NFXL1: variants seen among roughly 807,000 people sequenced by gnomAD.
NFXL1 encodes NF-X1-type zinc finger protein NFXL1.
A neutral mutation model predicts 123.3 loss-of-function variants in NFXL1; 66 were observed. The observed-to-expected ratio is 0.54, with a 90% CI of 0.44 to 0.66. The LOEUF is 0.66. Ranked by LOEUF, NFXL1 falls within the 30% of genes least tolerant of loss-of-function variation. The pLI is 0.00. For synonymous variants in NFXL1, 346 were observed against 360.8 expected (o/e 0.96, Z 0.46); for missense variants, 944 against 1,125.6 (o/e 0.84, Z 2.31).
At chr4:47,854,301 T>C (rs183196944) in intron 20 of NFXL1, among the ~76,000 whole-genome samples, 280 of 151,686 alleles carry the variant, frequency 1.8e-3, no homozygotes, top group African/African-American at 6.5e-3. Context: ...ACAATAGGAA[T>C]ATGAAGGAAA....
At chr4:47,864,986 G>A (rs1734966523) in intron 18 of NFXL1, among the ~76,000 whole-genome samples, 1 of 152,168 alleles carries the variant, frequency 6.6e-6, no homozygotes, top group Admixed American at 6.5e-5. Flanking sequence ...CTGAAGGGAA[G>A]GCAGTCTTGT....
Position 47,862,928 on chromosome 4 carries a change from A to ATG in NFXL1, c.2247-14_2247-13insCA. On this transcript the variant is annotated splice_polypyrimidine_tract_variant and intron_variant, in intron 18 of 22. Transcript: ENST00000507489. The stretch of plus-strand genomic sequence containing the variant: ...TGTGGTTATTTTTCTAAAAATAAGA[A>ATG]AGTTGATGACATTCAAACAAAAATC... The ATG allele has an allele frequency of 6.8e-7, 1 of 1,479,506 alleles. No individual in the cohort carries two copies. The highest frequency in any genetic ancestry group is 1.4e-5 in the African/African-American group (1 of 70,322). The allele number at this position is 1,479,506 out of a possible 1,614,324, so 91.6% of individuals were successfully genotyped here. A position where few individuals can be genotyped will look rare whatever the true frequency, so the allele number is the denominator to read the frequency against.
chr4:47,896,890 T>C (rs1737118035), intron 9 of NFXL1, among the ~76,000 whole-genome samples: 1 of 152,234 alleles, frequency 6.6e-6, no homozygotes, highest in Admixed American at 6.5e-5. Context: ...TTTTATGGGC[T>C]ATCTACTTCA....
chr4:47,896,618 G>A lies in NFXL1; in HGVS notation c.1234C>T (p.Pro412Ser). 3 of 1,609,430 alleles carry A rather than the reference G, an allele frequency of 1.9e-6. No individual in the cohort carries two copies. The highest frequency in any genetic ancestry group is 2.6e-6 in the Non-Finnish European group (3 of 1,175,950). ...TTGTCACAACTGTCTCCACAAGTTG[G>A]TACATCTTCTGTACAAGGCAAAGAA... ...KFSLPCTEDVPTCGDSCDKVL... is the reference protein window; with the variant it reads ...KFSLPCTEDVSTCGDSCDKVL... Residue 412 changes from proline (P) to serine (S), a missense_variant, in exon 10 of 23, where the codon CCA (proline) becomes TCA (serine). Pro to Ser is a moderately conservative substitution (Grantham distance 74). Coordinates refer to ENST00000507489, the MANE Select transcript of NFXL1 (RefSeq NM_001278624.2).
chr4:47,870,871 C>G (rs1316897056), intron 18 of NFXL1, among the ~76,000 whole-genome samples: 1 of 152,076 alleles, frequency 6.6e-6, no homozygotes, highest in African/African-American at 2.4e-5. Context: ...GGAAACACAT[C>G]AAAGGGACAT....
At position 47,888,058 on chromosome 4, in the gene NFXL1, G is replaced by A. The variant is rs549838560; in HGVS notation, c.1544-2059C>T. ...TGGGAGGCCGAAGCAGGCAGATCAC[G>A]AGGTCAGGAGATCGAGACCATCCTA... On this transcript the variant is annotated intron_variant, in intron 12 of 22. Coordinates refer to ENST00000507489, the MANE Select transcript of NFXL1 (RefSeq NM_001278624.2). Among the ~76,000 whole-genome samples the A allele has an allele frequency of 1.8e-4, 28 of 152,160 alleles. No homozygotes were observed. The Middle Eastern group carries it at 0.014, about 74-fold the overall frequency.
intron 17 of NFXL1, among the ~76,000 whole-genome samples, chr4:47,878,153 C>T (rs1735865155): frequency 6.6e-6 from 1 of 152,014 alleles, no homozygotes; most frequent in Non-Finnish European, 1.5e-5. Flanking sequence ...TGAAAACTAA[C>T]TTAGAGTAAA....
intron 12 of NFXL1, among the ~76,000 whole-genome samples, chr4:47,888,566 C>A (rs76897252): frequency 3.0e-5 from 2 of 66,290 alleles, no homozygotes; most frequent in Non-Finnish European, 6.2e-5. Context: ...AACAAAAAAA[C>A]ACCACTCTAC....
chr4:47,853,033 C>T (rs1349008965), intron 20 of NFXL1, among the ~76,000 whole-genome samples: 1 of 151,416 alleles, frequency 6.6e-6, no homozygotes, highest in Admixed American at 6.6e-5. Flanking sequence ...GTCTTGTCCT[C>T]CAAAGACAGT....
At chr4:47,869,532 T>C (rs1040088989) in intron 18 of NFXL1, among the ~76,000 whole-genome samples, 3 of 152,292 alleles carry the variant, frequency 2.0e-5, no homozygotes, top group South Asian at 4.1e-4. Flanking sequence ...GGAGGAAGTA[T>C]AATGTAAAGA....
Position 47,902,155 on chromosome 4 carries a change from C to G in NFXL1, c.647+1038G>C, listed in dbSNP as rs554412418. Among the ~76,000 whole-genome samples, 3 of 151,994 alleles carry G rather than the reference C, an allele frequency of 2.0e-5. No homozygotes were observed. In the East Asian group the frequency reaches 5.8e-4, roughly 29 times the overall value. On this transcript the variant is annotated intron_variant, in intron 5 of 22. Coordinates refer to ENST00000507489, the MANE Select transcript of NFXL1 (RefSeq NM_001278624.2). ...CAAGAGCGCACCACTGCACTCCAGC[C>G]TGGGCAATACAGCAAAACTCTGTCT...
At chr4:47,889,554 G>C (rs966694036) in intron 12 of NFXL1, among the ~76,000 whole-genome samples, 2 of 152,270 alleles carry the variant, frequency 1.3e-5, no homozygotes, top group African/African-American at 4.8e-5. Flanking sequence ...ATTTCTGAAA[G>C]GATAGGGAGA....
chr4:47,904,188 G>A (rs1442457578), intron 4 of NFXL1, among the ~76,000 whole-genome samples: 5 of 152,120 alleles, frequency 3.3e-5, no homozygotes, highest in Non-Finnish European at 5.9e-5. Context: ...GGCCACAGAA[G>A]CTCAATCCTC....
chr4:47,849,339 T>G (rs188365928), intron 22 of NFXL1, among the ~76,000 whole-genome samples: 1 of 152,288 alleles, frequency 6.6e-6, no homozygotes, highest in East Asian at 1.9e-4. Context: ...GCTAAGTACT[T>G]ATTAAACTTT....
chr4:47,857,931 T>C (rs1347936107), intron 19 of NFXL1, among the ~76,000 whole-genome samples: 4 of 152,222 alleles, frequency 2.6e-5, no homozygotes, highest in Non-Finnish European at 5.9e-5. Context: ...TAGCATTTCC[T>C]TCAGAATCTG....
intron 14 of NFXL1, 92 bp downstream of exon 14, chr4:47,885,406 T>C: frequency 1.9e-6 from 2 of 1,039,328 alleles, no homozygotes; most frequent in African/African-American, 1.6e-5. Context: ...TCCCAATAAG[T>C]GCTTAATCAT....
At chr4:47,872,522 G>C (rs1013313278) in intron 18 of NFXL1, among the ~76,000 whole-genome samples, 2 of 151,130 alleles carry the variant, frequency 1.3e-5, no homozygotes, top group African/African-American at 4.9e-5. Flanking sequence ...ATAGCTCAGA[G>C]ATATTGCAGG....
intron 2 of NFXL1, 57 bp downstream of exon 2, chr4:47,913,912 A>G: frequency 1.6e-6 from 2 of 1,271,050 alleles, no homozygotes; most frequent in Admixed American, 2.3e-5. Context: ...GGCGGTCCTG[A>G]CTAGTAACTG....
At chr4:47,870,604 GAA>G (rs111655275) in intron 18 of NFXL1, among the ~76,000 whole-genome samples, 5 of 149,630 alleles carry the variant, frequency 3.3e-5, no homozygotes, top group Non-Finnish European at 5.9e-5. Flanking sequence ...AAACCCCAAG[GAA>G]AAAAAAAATA....
Sources: allele counts gnomAD v4.1 joint callset (sites outside exome capture counted in the v4.1 genomes callset), GRCh38; gene constraint gnomAD v4.1.1; transcripts MANE v1.5; gene names NCBI Gene and HGNC (gene_info 2026-07-23, HGNC 2026-07-21).